Variants in KIF13A observed in about 807,000 individuals in gnomAD.
The protein encoded by KIF13A is kinesin-like protein KIF13A.
KIF13A carries 79 observed loss-of-function variants against 212.2 expected under a neutral mutation model. That is an observed-to-expected ratio of 0.37 (90% CI 0.31 to 0.45). The LOEUF (loss-of-function observed/expected upper bound fraction) is 0.45. KIF13A is among the 20% of genes least tolerant of loss of function. The pLI is 1.00. For synonymous variants in KIF13A, 789 were observed against 808.6 expected, an observed-to-expected ratio of 0.98 and a Z score of 0.41; for missense variants, 1,901 against 2,209.0, an observed-to-expected ratio of 0.86 and a Z score of 2.79.
rs959402233 is a variant in KIF13A at position 17,914,925 on chromosome 6, T to C, written c.147-16745A>G. 3.3e-5 allele frequency among the ~76,000 whole-genome samples: 5 copies of C among 152,190 alleles called. No individual in the cohort carries two copies. Among genetic ancestry groups the C allele is most frequent in the African/African-American group, 1.2e-4 (5 of 41,444 alleles). Reference sequence around the variant, plus strand: ...GAATTAAGCATCCCTGTGAGGTCATTCTCAGGATGAAATACACACTGGCCT... The same window carrying C: ...GAATTAAGCATCCCTGTGAGGTCATCCTCAGGATGAAATACACACTGGCCT... On this transcript the variant is annotated intron_variant, in intron 2 of 38. Coordinates refer to ENST00000259711, the MANE Select transcript of KIF13A (RefSeq NM_022113.6). This position sits in a 1 kb window ranked among gnomAD's most constrained non-coding sequence, Gnocchi z 5.9.
At chr6:17,891,761 T>C (rs1345260626) in intron 3 of KIF13A, among the ~76,000 whole-genome samples, 1 of 152,086 alleles carries the variant, frequency 6.6e-6, no homozygotes, top group Non-Finnish European at 1.5e-5. Context: ...AGACCCTGTC[T>C]CTTAAAAAAA....
In KIF13A at chr6:17,804,653, T is replaced by C. The variant is rs1762774066; in HGVS notation, c.2305-143A>G. The C allele has an allele frequency of 1.2e-5, 11 of 916,536 alleles. No homozygotes were observed. In the East Asian group the frequency reaches 3.0e-4, roughly 25 times the overall value. The allele number at this position is 916,536 out of a possible 1,614,324, so 56.8% of individuals were successfully genotyped here. ...AAGTAAAATTATAATGTCACATAAA[T>C]AAAAACTAAATTAGCTGGGCGTGGT... is the stretch of plus-strand genomic sequence containing the variant. On this transcript the variant is annotated intron_variant, in intron 19 of 38. Transcript: ENST00000259711.
At chr6:17,822,028 G>T in intron 16 of KIF13A, 1 of 973,546 alleles carries the variant, frequency 1.0e-6, no homozygotes, top group Non-Finnish European at 1.5e-6. Context: ...GATGGGGTAG[G>T]GGGAAACATA....
intron 3 of KIF13A, among the ~76,000 whole-genome samples, chr6:17,884,648 T>C (rs760849): frequency 0.42 from 64,389 of 152,078 alleles, 14,557 homozygotes; most frequent in East Asian, 0.58. Context: ...AAATCTAAAA[T>C]CAAAAGGGCT....
At chr6:17,901,805 C>T (rs952069462) in intron 2 of KIF13A, among the ~76,000 whole-genome samples, 1 of 152,130 alleles carries the variant, frequency 6.6e-6, no homozygotes, top group African/African-American at 2.4e-5. Context: ...AAACATCTAT[C>T]AGATTCAACA....
At chr6:17,795,439 A>T (rs897601939) in intron 23 of KIF13A, among the ~76,000 whole-genome samples, 1 of 151,884 alleles carries the variant, frequency 6.6e-6, no homozygotes, top group Admixed American at 6.6e-5. Context: ...AAAAAAAAAA[A>T]AAAAAATTAT....
At chr6:17,962,228 T>A (rs1482622547) in intron 2 of KIF13A, among the ~76,000 whole-genome samples, 2 of 152,096 alleles carry the variant, frequency 1.3e-5, no homozygotes, top group East Asian at 1.9e-4. Context: ...AGAGAACTAC[T>A]TGAACCCAGG....
chr6:17,887,632 CAG>C (rs1771664341), intron 3 of KIF13A, among the ~76,000 whole-genome samples: 1 of 152,264 alleles, frequency 6.6e-6, no homozygotes, highest in Non-Finnish European at 1.5e-5. Flanking sequence ...ACACTTTAAC[CAG>C]AGTGTGCAAC....
At chr6:17,939,394 C>T (rs765239645) in intron 2 of KIF13A, among the ~76,000 whole-genome samples, 1 of 152,174 alleles carries the variant, frequency 6.6e-6, no homozygotes, top group African/African-American at 2.4e-5. Flanking sequence ...CAAGGCCATT[C>T]GAGTTTATTT....
intron 16 of KIF13A, among the ~76,000 whole-genome samples, chr6:17,823,793 G>A (rs970961400): frequency 6.6e-6 from 1 of 151,270 alleles, no homozygotes; most frequent in Non-Finnish European, 1.5e-5. Flanking sequence ...AGTAGAGATG[G>A]AGTTTCACTA....
At chr6:17,975,256 G>A (rs911479998) in intron 2 of KIF13A, among the ~76,000 whole-genome samples, 9 of 152,198 alleles carry the variant, frequency 5.9e-5, no homozygotes, top group South Asian at 2.1e-4. Flanking sequence ...GGAAGGCTCA[G>A]GCAGGAGAAT....
chr6:17,982,614 C>T lies in KIF13A; in HGVS notation c.146+4440G>A, dbSNP rs1781186884. Among the ~76,000 whole-genome samples the T allele has an allele frequency of 6.6e-6, 1 of 151,946 alleles. No individual in the cohort carries two copies. Among genetic ancestry groups the T allele is most frequent in the Admixed American group, 6.6e-5 (1 of 15,230 alleles). On this transcript the variant is annotated intron_variant, in intron 2 of 38. Coordinates refer to ENST00000259711, the MANE Select transcript of KIF13A (RefSeq NM_022113.6). The surrounding 1 kb of genome is among the most constrained non-coding windows in gnomAD (Gnocchi z 5.1). ...CTTCTACCGAGAGCCCATATTTAGC[C>T]CAACATTTTATTTTTACACAGTAGG...
Position 17,900,108 on chromosome 6 carries a change from C to T in KIF13A, c.147-1928G>A, listed in dbSNP as rs993113791. 1.3e-5 allele frequency among the ~76,000 whole-genome samples: 2 copies of T among 152,148 alleles called. No individual in the cohort carries two copies. The highest frequency in any genetic ancestry group is 2.9e-5 in the Non-Finnish European group (2 of 68,038). On this transcript the variant is annotated intron_variant, in intron 2 of 38. Coordinates refer to ENST00000259711, the MANE Select transcript of KIF13A (RefSeq NM_022113.6). This position sits in a 1 kb window ranked among gnomAD's most constrained non-coding sequence, Gnocchi z 4.6. ...ACAATAAGGCCATTATATGAAACAGCACAGACCAAAGGTAATTAAATATAG... is the reference window on the plus strand; with the variant it reads ...ACAATAAGGCCATTATATGAAACAGTACAGACCAAAGGTAATTAAATATAG...
intron 11 of KIF13A, among the ~76,000 whole-genome samples, chr6:17,835,193 GCCAAAAAAAAAAAAAAAAAAA>G (rs1765821378): frequency 1.7e-5 from 1 of 59,154 alleles, no homozygotes. Context: ...ACCCGCCCCC[GCCAAAAAAAAAAAAAAAAAAA>G]AAAAAAAAAA....
rs1322091396 is a variant in KIF13A at position 17,772,777 on chromosome 6, A to C, written c.4324+701T>G. On this transcript the variant is annotated intron_variant, in intron 36 of 38. Transcript: ENST00000259711. The surrounding 1 kb of genome is among the most constrained non-coding windows in gnomAD (Gnocchi z 4.8). ...AGGCTCAATAAATATTCAATGAATT[A>C]ATACTGTGTAAATTTTCTTGCGAGC... 6.6e-6 allele frequency among the ~76,000 whole-genome samples: 1 copy of C among 151,092 alleles called. No homozygotes were observed. Among genetic ancestry groups the C allele is most frequent in the Non-Finnish European group, 1.5e-5 (1 of 67,708 alleles).
rs541028762 is a variant in KIF13A at position 17,976,995 on chromosome 6, G to A, written c.146+10059C>T. On this transcript the variant is annotated intron_variant, in intron 2 of 38. Transcript: ENST00000259711. ...CGGGCGCCTGTAGTACCAGCTACTC[G>A]GGAGGCTGAGGCAGGAGAATGGCGT... is the stretch of plus-strand genomic sequence containing the variant. Among the ~76,000 whole-genome samples the A allele has an allele frequency of 1.5e-4, 23 of 151,800 alleles. 1 individual carries two copies. The East Asian group carries it at 4.1e-3, about 27-fold the overall frequency.
intron 3 of KIF13A, among the ~76,000 whole-genome samples, chr6:17,874,277 G>GT (rs10677645): frequency 0.082 from 6,320 of 76,782 alleles, 468 homozygotes; most frequent in African/African-American, 0.27. Context: ...TTTTGTTTTT[G>GT]TTTTTGTTTT....
In KIF13A at chr6:17,772,011, G is replaced by A. The variant is rs1475189598; in HGVS notation, c.4373C>T (p.Ala1458Val). The A allele has an allele frequency of 2.5e-6, 4 of 1,613,902 alleles. No homozygotes were observed. Among genetic ancestry groups the A allele is most frequent in the Admixed American group, 3.3e-5 (2 of 60,020 alleles). Residue 1458 changes from alanine to valine, a missense_variant, in exon 37 of 39, where the codon GCA (alanine) becomes GTA (valine). By Grantham distance (64) the Ala-to-Val change is moderately conservative. Around this residue, in one of 5 missense-constraint regions of KIF13A, gnomAD observed 687 missense variants for 759.1 expected, o/e 0.90. Coordinates refer to ENST00000259711, the MANE Select transcript of KIF13A (RefSeq NM_022113.6). This position sits in a 1 kb window ranked among gnomAD's most constrained non-coding sequence, Gnocchi z 4.8. The stretch of plus-strand genomic sequence containing the variant: ...AAACTTTGGTGGCTGAGGAGAGAAT[G>A]CTTTAAAAGGGCTGACGGTTAAGGC... ...PHALTVSPFK[A>V]FSPQPPKFFK...
In KIF13A at chr6:17,794,790, T is replaced by A; in HGVS notation, c.2943-86A>T. 1.2e-5 allele frequency: 17 copies of A among 1,366,332 alleles called. No individual in the cohort carries two copies. The highest frequency in any genetic ancestry group is 1.5e-5 in the Non-Finnish European group (15 of 998,474). The allele number at this position is 1,366,332 out of a possible 1,614,324, so 84.6% of individuals were successfully genotyped here. A position where few individuals can be genotyped will look rare whatever the true frequency, so the allele number is the denominator to read the frequency against. ...TAATAAGCCACCATTCACTGAGCAC[T>A]TACTATGTGCTAGGCACTGTGCCAT... On this transcript the variant is annotated intron_variant, in intron 23 of 38. Transcript: ENST00000259711. The surrounding 1 kb of genome is among the most constrained non-coding windows in gnomAD (Gnocchi z 4.1).
Sources: allele counts gnomAD v4.1 joint callset (sites outside exome capture counted in the v4.1 genomes callset), GRCh38; gene constraint gnomAD v4.1.1; regional missense constraint gnomAD v4.1.1; non-coding constraint Gnocchi (gnomAD v3.1); transcripts MANE v1.5; gene names NCBI Gene and HGNC (gene_info 2026-07-23, HGNC 2026-07-21).